Variants in CSPP1 observed in about 807,000 individuals in gnomAD.
CSPP1 encodes centrosome and spindle pole associated protein 1, also known as centrosome and spindle pole-associated protein 1.
Under a neutral mutation model 164.4 loss-of-function variants are expected in CSPP1, and 126 were observed. That is an observed-to-expected ratio of 0.77 (90% CI 0.66 to 0.89). The LOEUF (loss-of-function observed/expected upper bound fraction) is 0.89. Ranked by LOEUF, CSPP1 falls within the 40% of genes least tolerant of loss-of-function variation. CSPP1 has a pLI of 0.00. For missense variants in CSPP1, 1,395 were observed against 1,449.8 expected (o/e 0.96, Z 0.61); for synonymous variants, 472 against 476.7 (o/e 0.99, Z 0.13).
At chr8:67,078,408 C>T (rs1462108294) in intron 3 of CSPP1, among the ~76,000 whole-genome samples, 1 of 152,028 alleles carries the variant, frequency 6.6e-6, no homozygotes, top group Non-Finnish European at 1.5e-5. Flanking sequence ...GTGGCATAAT[C>T]TTGGCTCACT....
Position 67,195,908 on chromosome 8 carries a change from T to C in CSPP1, c.*315T>C, listed in dbSNP as rs1378766309. 4.4e-6 allele frequency: 1 copy of C among 229,788 alleles called. No homozygotes were observed. Among genetic ancestry groups the C allele is most frequent in the Non-Finnish European group, 8.6e-6 (1 of 115,818 alleles). The allele number at this position is 229,788 out of a possible 1,614,324, so 14.2% of individuals were successfully genotyped here. A position where few individuals can be genotyped will look rare whatever the true frequency, so the allele number is the denominator to read the frequency against. On this transcript the variant is annotated 3_prime_UTR_variant, in exon 31 of 31. Coordinates refer to ENST00000678616, the MANE Select transcript of CSPP1 (RefSeq NM_001382391.1). ...CATTAAGATAAGGTGAATAAGTGTC[T>C]TAAACGTCCTGTAAAACCGGACTCC...
intron 21 of CSPP1, among the ~76,000 whole-genome samples, chr8:67,159,909 TTTCTTTCTTTCTTTCCTTTCC>T (rs1827654427): frequency 5.6e-4 from 36 of 64,580 alleles, no homozygotes; most frequent in East Asian, 1.6e-3. Flanking sequence ...TCTTTCTTTC[TTTCTTTCTTTCTTTCCTTTCC>T]TTCCTTCCTT....
chr8:67,160,148 G>A (rs899610833), intron 21 of CSPP1, among the ~76,000 whole-genome samples: 4 of 146,498 alleles, frequency 2.7e-5, no homozygotes, highest in African/African-American at 1.0e-4. Flanking sequence ...TCCCAAAGTG[G>A]TGGGATTGCA....
At chr8:67,082,101 G>T (rs902919015) in intron 3 of CSPP1, among the ~76,000 whole-genome samples, 1 of 152,178 alleles carries the variant, frequency 6.6e-6, no homozygotes. Flanking sequence ...AGGCTGGAGT[G>T]CAGTGGCGCG....
intron 15 of CSPP1, among the ~76,000 whole-genome samples, chr8:67,129,572 C>A (rs958520240): frequency 2.0e-5 from 3 of 152,082 alleles, no homozygotes; most frequent in Non-Finnish European, 4.4e-5. Flanking sequence ...ATGTTTATAG[C>A]TGCATTATTG....
At chr8:67,137,382 A>T in intron 16 of CSPP1, 74 bp from the exon 17 acceptor site, 1 of 1,134,240 alleles carries the variant, frequency 8.8e-7, no homozygotes, top group Non-Finnish European at 1.2e-6. Flanking sequence ...ACAAAAAATA[A>T]CATCTGGTAT....
intron 27 of CSPP1, among the ~76,000 whole-genome samples, chr8:67,178,322 G>GAGGGGGGTACTTTTT (rs1246799677): frequency 3.9e-5 from 6 of 152,160 alleles, no homozygotes; most frequent in Non-Finnish European, 8.8e-5. Context: ...CCTGTATCCT[G>GAGGGGGGTACTTTTT]AGGGGGGTAC....
intron 15 of CSPP1, among the ~76,000 whole-genome samples, chr8:67,121,330 T>C (rs1818931138): frequency 2.6e-5 from 4 of 152,178 alleles, no homozygotes; most frequent in Admixed American, 1.3e-4. Context: ...TATATAGCTT[T>C]TATTATGTTG....
At chr8:67,140,324 T>C (rs1823251148) in intron 17 of CSPP1, among the ~76,000 whole-genome samples, 1 of 151,990 alleles carries the variant, frequency 6.6e-6, no homozygotes, top group Non-Finnish European at 1.5e-5. Flanking sequence ...ACCTCAGGTG[T>C]CCCACCCACC....
chr8:67,128,336 C>T (rs1820511809), intron 15 of CSPP1, among the ~76,000 whole-genome samples: 1 of 151,936 alleles, frequency 6.6e-6, no homozygotes, highest in African/African-American at 2.4e-5. Context: ...GTCAGGAGTT[C>T]AAGATCAGCC....
Position 67,175,394 on chromosome 8 carries a change from C to T in CSPP1, c.3067C>T (p.Gln1023Ter). Residue 1023 changes from glutamine (Q) to a stop codon, truncating the protein, a stop_gained, in exon 26 of 31, where the codon CAG (glutamine) becomes TAG (stop). Transcript: ENST00000678616. LOFTEE classifies it high-confidence loss of function. Reference protein sequence around the residue: ...IQQQALLREQQKRLNRIKMQE... With the variant: ...IQQQALLREQ ...GCAGCAAGCCCTGCTAAGAGAGCAG[C>T]AGAAGAGGCTGAACAGAATAAAAAT... is the stretch of plus-strand genomic sequence containing the variant. 1 of 1,614,156 alleles carries T rather than the reference C, an allele frequency of 6.2e-7. No individual in the cohort carries two copies. The highest frequency in any genetic ancestry group is 8.5e-7 in the Non-Finnish European group (1 of 1,180,002).
Position 67,154,017 on chromosome 8 carries a change from T to C in CSPP1, c.2129-7T>C, listed in dbSNP as rs1455367105. ...ATAGTATGTTTTTGCAAAATATTTCTTTCAAGGTCATATGCAAACACAGAG... is the reference window on the plus strand; with the variant it reads ...ATAGTATGTTTTTGCAAAATATTTCCTTCAAGGTCATATGCAAACACAGAG... On this transcript the variant is annotated splice_polypyrimidine_tract_variant and splice_region_variant and intron_variant, in intron 18 of 30. Coordinates refer to ENST00000678616, the MANE Select transcript of CSPP1 (RefSeq NM_001382391.1). 2.7e-6 allele frequency: 4 copies of C among 1,485,948 alleles called. No individual in the cohort carries two copies. Among genetic ancestry groups the C allele is most frequent in the South Asian group, 1.2e-5 (1 of 86,734 alleles). 92.0% of individuals were successfully genotyped at this position (1,485,948 alleles called of 1,614,324 possible). A position where few individuals can be genotyped will look rare whatever the true frequency, so the allele number is the denominator to read the frequency against.
At chr8:67,139,319 C>T (rs1178646531) in intron 17 of CSPP1, among the ~76,000 whole-genome samples, 6 of 151,912 alleles carry the variant, frequency 3.9e-5, no homozygotes, top group Admixed American at 1.3e-4. Flanking sequence ...GTTAGAATGG[C>T]GATCATTAAA....
intron 24 of CSPP1, among the ~76,000 whole-genome samples, chr8:67,167,755 C>G (rs575517437): frequency 6.7e-6 from 1 of 149,958 alleles, no homozygotes; most frequent in Non-Finnish European, 1.5e-5. Context: ...CGGGCAGAGA[C>G]GCTCCTCACT....
chr8:67,098,724 T>C (rs1348658721), intron 7 of CSPP1, among the ~76,000 whole-genome samples: 2 of 152,044 alleles, frequency 1.3e-5, no homozygotes, highest in African/African-American at 4.8e-5. Context: ...ATCCTAGTCT[T>C]ATTTATTAAC....
chr8:67,065,996 C>T (rs1434561341), intron 1 of CSPP1, among the ~76,000 whole-genome samples: 1 of 152,186 alleles, frequency 6.6e-6, no homozygotes, highest in East Asian at 1.9e-4. Context: ...CTTTTAACAT[C>T]ATTCTGACTT....
intron 2 of CSPP1, chr8:67,074,786 C>CA (rs760724903): frequency 4.0e-5 from 11 of 271,634 alleles, no homozygotes; most frequent in African/African-American, 4.9e-5. Flanking sequence ...AAAATAATTG[C>CA]TTTTTTTTTT....
intron 19 of CSPP1, 112 bp downstream of exon 19, chr8:67,154,248 A>G (rs1486072297): frequency 6.6e-6 from 4 of 608,218 alleles, no homozygotes; most frequent in African/African-American, 3.7e-5. Context: ...CTGTTATCTA[A>G]AATATCTAAT....
At chr8:67,088,093 T>C (rs1810774530) in intron 4 of CSPP1, among the ~76,000 whole-genome samples, 1 of 152,190 alleles carries the variant, frequency 6.6e-6, no homozygotes, top group South Asian at 2.1e-4. Context: ...TCCCCTTCCC[T>C]ACTTTTTCTT....
Sources: allele counts gnomAD v4.1 joint callset (sites outside exome capture counted in the v4.1 genomes callset), GRCh38; gene constraint gnomAD v4.1.1; transcripts MANE v1.5; gene names NCBI Gene and HGNC (gene_info 2026-07-23, HGNC 2026-07-21).